Variants in SSBP2 observed in about 807,000 individuals in gnomAD.
The protein encoded by SSBP2 is single stranded DNA binding protein 2, also known as single-stranded DNA-binding protein 2.
SSBP2 carries 17 observed loss-of-function variants against 61.8 expected under a neutral mutation model. The ratio of observed to expected loss-of-function variants is 0.28; its 90% CI spans 0.19 to 0.41. The LOEUF is 0.41. Among genes scored for constraint, SSBP2 ranks in the 10% least tolerant of loss-of-function variants. SSBP2 has a pLI of 1.00. For missense variants in SSBP2, 310 were observed against 458.7 expected, an observed-to-expected ratio of 0.68 and a Z score of 2.96; for synonymous variants, 139 against 141.3, an observed-to-expected ratio of 0.98 and a Z score of 0.12.
chr5:81,666,041 G>A (rs1751105015), intron 1 of SSBP2, among the ~76,000 whole-genome samples: 1 of 152,154 alleles, frequency 6.6e-6, no homozygotes, highest in African/African-American at 2.4e-5. Context: ...AATGTTCAAA[G>A]CGCTTGCAAC....
chr5:81,547,927 G>C (rs1172086477), intron 4 of SSBP2, among the ~76,000 whole-genome samples: 4 of 152,162 alleles, frequency 2.6e-5, no homozygotes, highest in Non-Finnish European at 4.4e-5. Flanking sequence ...AGGATGAAAA[G>C]ATAGGACACA....
At position 81,428,810 on chromosome 5, in the gene SSBP2, T is replaced by G. The variant is rs1411557210; in HGVS notation, c.958-127A>C. On this transcript the variant is annotated intron_variant, in intron 15 of 16. Coordinates refer to ENST00000320672, the MANE Select transcript of SSBP2 (RefSeq NM_012446.5). ...ATACTTCTAATTTTAATCTTAGACTTCTACCATGTATTCTATTTCATTCTT... is the reference window on the plus strand; with the variant it reads ...ATACTTCTAATTTTAATCTTAGACTGCTACCATGTATTCTATTTCATTCTT... 8 of 607,340 alleles carry G rather than the reference T, an allele frequency of 1.3e-5. No homozygotes were observed. The East Asian group carries it at 1.4e-4, about 11-fold the overall frequency. 37.6% of individuals were successfully genotyped at this position (607,340 alleles called of 1,614,324 possible). A position where few individuals can be genotyped will look rare whatever the true frequency, so the allele number is the denominator to read the frequency against.
At chr5:81,449,818 A>T (rs1477719547) in intron 10 of SSBP2, among the ~76,000 whole-genome samples, 1 of 152,172 alleles carries the variant, frequency 6.6e-6, no homozygotes, top group South Asian at 2.1e-4. Flanking sequence ...CACACAACAC[A>T]TGTCCCAAGG....
intron 4 of SSBP2, among the ~76,000 whole-genome samples, chr5:81,593,029 G>C (rs979908102): frequency 2.0e-5 from 3 of 152,094 alleles, no homozygotes; most frequent in African/African-American, 2.4e-5. Context: ...GGCTTCAGAC[G>C]ATCAAACTAC....
intron 1 of SSBP2, among the ~76,000 whole-genome samples, chr5:81,746,244 G>A (rs955930540): frequency 1.7e-4 from 26 of 152,058 alleles, no homozygotes; most frequent in Admixed American, 1.0e-3. Flanking sequence ...TGAAATAACA[G>A]AAAAAGATCA....
chr5:81,472,250 C>A (rs1188318881), intron 8 of SSBP2, among the ~76,000 whole-genome samples: 1 of 152,040 alleles, frequency 6.6e-6, no homozygotes, highest in Non-Finnish European at 1.5e-5. Flanking sequence ...TTAATTTCTA[C>A]CCCAAGAAGC....
At chr5:81,622,152 C>T (rs1746647137) in intron 3 of SSBP2, among the ~76,000 whole-genome samples, 1 of 140,704 alleles carries the variant, frequency 7.1e-6, no homozygotes, top group Non-Finnish European at 1.5e-5. Context: ...ACATTGTTAA[C>T]ACTTCTTTTT....
At chr5:81,437,340 C>G in intron 15 of SSBP2, 90 bp downstream of exon 15, 1 of 1,300,736 alleles carries the variant, frequency 7.7e-7, no homozygotes, top group Non-Finnish European at 1.1e-6. Flanking sequence ...TGTTCAAGAA[C>G]AAAATTCGTA....
At chr5:81,637,515 A>G (rs938506124) in intron 2 of SSBP2, among the ~76,000 whole-genome samples, 4 of 152,224 alleles carry the variant, frequency 2.6e-5, no homozygotes, top group Non-Finnish European at 5.9e-5. Flanking sequence ...TAAGGTAAAA[A>G]TATTAAAAAT....
chr5:81,707,210 C>T (rs1198411330), intron 1 of SSBP2, among the ~76,000 whole-genome samples: 3 of 152,156 alleles, frequency 2.0e-5, no homozygotes, highest in African/African-American at 7.2e-5. Flanking sequence ...GCTTCATTTA[C>T]TAAAAGGTAA....
intron 4 of SSBP2, among the ~76,000 whole-genome samples, chr5:81,548,517 T>A (rs902601054): frequency 3.9e-5 from 6 of 152,220 alleles, no homozygotes; most frequent in African/African-American, 1.4e-4. Flanking sequence ...TGCATATTAC[T>A]TCTGCCCAAG....
chr5:81,494,755 A>G (rs1767161363), intron 5 of SSBP2, among the ~76,000 whole-genome samples: 1 of 152,158 alleles, frequency 6.6e-6, no homozygotes, highest in Admixed American at 6.5e-5. Flanking sequence ...AAATGGAATA[A>G]CCCAAAGTAG....
At chr5:81,722,218 A>C (rs1025665643) in intron 1 of SSBP2, among the ~76,000 whole-genome samples, 1 of 152,062 alleles carries the variant, frequency 6.6e-6, no homozygotes, top group Non-Finnish European at 1.5e-5. Context: ...AAGCATTAGG[A>C]TCTTACTAGA....
At chr5:81,513,569 A>G in intron 5 of SSBP2, 59 bp downstream of exon 5, 1 of 1,057,414 alleles carries the variant, frequency 9.5e-7, no homozygotes, top group Non-Finnish European at 1.4e-6. Flanking sequence ...CGTATCTTTA[A>G]TAAAATCAAA....
chr5:81,669,927 G>GT (rs1751466419), intron 1 of SSBP2, among the ~76,000 whole-genome samples: 1 of 151,996 alleles, frequency 6.6e-6, no homozygotes. Context: ...GCTACATACT[G>GT]TATGATTCCA....
At chr5:81,569,304 C>T (rs1430165679) in intron 4 of SSBP2, among the ~76,000 whole-genome samples, 1 of 152,032 alleles carries the variant, frequency 6.6e-6, no homozygotes, top group Non-Finnish European at 1.5e-5. Flanking sequence ...TTGTGCTGAC[C>T]CTTTACACCA....
At chr5:81,554,411 T>A (rs1165325348) in intron 4 of SSBP2, among the ~76,000 whole-genome samples, 6 of 151,146 alleles carry the variant, frequency 4.0e-5, no homozygotes, top group Non-Finnish European at 4.4e-5. Flanking sequence ...AATGCACAAG[T>A]ATGTACAATT....
At chr5:81,579,236 GT>G (rs751259961) in intron 4 of SSBP2, among the ~76,000 whole-genome samples, 1 of 148,664 alleles carries the variant, frequency 6.7e-6, no homozygotes, top group South Asian at 2.1e-4. Context: ...GTTTCTTATT[GT>G]TTTTTTTCAT....
At chr5:81,661,107 T>C (rs1004561607) in intron 1 of SSBP2, among the ~76,000 whole-genome samples, 1 of 152,144 alleles carries the variant, frequency 6.6e-6, no homozygotes, top group African/African-American at 2.4e-5. Flanking sequence ...CAAACCACAA[T>C]GGCGCATGTA....
Sources: allele counts gnomAD v4.1 joint callset (sites outside exome capture counted in the v4.1 genomes callset), GRCh38; gene constraint gnomAD v4.1.1; transcripts MANE v1.5; gene names NCBI Gene and HGNC (gene_info 2026-07-23, HGNC 2026-07-21).